Variants in TMEM120B observed in about 807,000 individuals in gnomAD.
The protein encoded by TMEM120B is transmembrane protein 120B.
TMEM120B carries 31 observed loss-of-function variants against 55.5 expected under a neutral mutation model. That is an observed-to-expected ratio of 0.56 (90% confidence interval 0.42 to 0.75). TMEM120B has a LOEUF of 0.75. Among genes scored for constraint, TMEM120B ranks in the 30% least tolerant of loss-of-function variants. The pLI is 0.00. For synonymous variants in TMEM120B, 203 were observed against 176.3 expected, an observed-to-expected ratio of 1.15 and a Z score of -1.20; for missense variants, 399 against 425.5, an observed-to-expected ratio of 0.94 and a Z score of 0.55.
chr12:121,777,479 T>C lies in TMEM120B; in HGVS notation c.*1757T>C, dbSNP rs1366307709. ...TGAGATTCCACATAAAAATCCAGAT[T>C]TCTGCTTTCCCTAGAAAAACGGACC... is the stretch of plus-strand genomic sequence containing the variant. On this transcript the variant is annotated 3_prime_UTR_variant, in exon 12 of 12. Transcript: ENST00000449592. 1 of 152,202 alleles carries C rather than the reference T, an allele frequency of 6.6e-6. No individual in the cohort carries two copies. The highest frequency in any genetic ancestry group is 1.5e-5 in the Non-Finnish European group (1 of 68,038). 9.4% of individuals were successfully genotyped at this position (152,202 alleles called of 1,614,324 possible).
intron 2 of TMEM120B, among the ~76,000 whole-genome samples, 174 bp downstream of exon 2, chr12:121,743,921 C>T (rs1294020238): frequency 1.3e-5 from 2 of 152,148 alleles, no homozygotes; most frequent in East Asian, 1.9e-4. Flanking sequence ...ATTTTTCCCT[C>T]TAAATTCTGC....
At chr12:121,771,110 G>A (rs1263945743) in intron 7 of TMEM120B, 138 bp downstream of exon 7, 2 of 914,518 alleles carry the variant, frequency 2.2e-6, no homozygotes, top group South Asian at 1.5e-5. Flanking sequence ...TGAGCCTGCA[G>A]CTGCGCCGGG....
At chr12:121,715,719 T>G (rs1050700089) in intron 1 of TMEM120B, among the ~76,000 whole-genome samples, 8 of 152,092 alleles carry the variant, frequency 5.3e-5, no homozygotes, top group African/African-American at 1.9e-4. Context: ...GTCAAGATCA[T>G]AGATCGGAGC....
At chr12:121,754,880 G>T (rs1323974288) in intron 5 of TMEM120B, among the ~76,000 whole-genome samples, 2 of 152,136 alleles carry the variant, frequency 1.3e-5, no homozygotes, top group Non-Finnish European at 2.9e-5. Context: ...CTGTGCCGGT[G>T]CCCCCGGGAA....
intron 6 of TMEM120B, among the ~76,000 whole-genome samples, chr12:121,768,785 T>A (rs1873927523): frequency 6.6e-6 from 1 of 152,070 alleles, no homozygotes; most frequent in Non-Finnish European, 1.5e-5. Flanking sequence ...AACTCCTTTT[T>A]TCCTAGGCTG....
chr12:121,768,608 C>A (rs766758965), intron 6 of TMEM120B, among the ~76,000 whole-genome samples: 58 of 152,300 alleles, frequency 3.8e-4, no homozygotes, highest in Admixed American at 7.2e-4. Flanking sequence ...ACTGTTCCCA[C>A]GAGCATCCCC....
Position 121,779,578 on chromosome 12 carries a change from G to A in TMEM120B, c.*3856G>A, listed in dbSNP as rs765693209. The A allele has an allele frequency of 6.8e-6, 11 of 1,614,014 alleles. No individual in the cohort carries two copies. The highest frequency in any genetic ancestry group is 1.6e-4 in the Middle Eastern group (1 of 6,084). ...CTGAGAGCCACCTTGGCGGCCTCCC[G>A]GAAGACGTCCTCCACATTCTCCCGA... On this transcript the variant is annotated 3_prime_UTR_variant, in exon 12 of 12. Transcript: ENST00000449592.
intron 8 of TMEM120B, 98 bp downstream of exon 8, chr12:121,771,647 GT>G: frequency 8.0e-7 from 1 of 1,256,996 alleles, no homozygotes; most frequent in Non-Finnish European, 1.2e-6. Flanking sequence ...GCTTGCCTGT[GT>G]GGCAGGGAGA....
At chr12:121,719,445 G>A (rs954311175) in intron 1 of TMEM120B, among the ~76,000 whole-genome samples, 5 of 152,118 alleles carry the variant, frequency 3.3e-5, no homozygotes, top group African/African-American at 1.2e-4. Context: ...AATTAGCTAG[G>A]CATGGTGGCG....
At position 121,779,840 on chromosome 12, in the gene TMEM120B, G is replaced by A; in HGVS notation, c.*4118G>A. ...TGTGTGGGTGGAATGGAGGGCCAGG[G>A]CAGTGCAGCCCGCAGGTTGGAAGAA... is the stretch of plus-strand genomic sequence containing the variant. On this transcript the variant is annotated 3_prime_UTR_variant, in exon 12 of 12. Coordinates refer to ENST00000449592, the MANE Select transcript of TMEM120B (RefSeq NM_001080825.2). The A allele has an allele frequency of 4.6e-6, 3 of 656,054 alleles. No homozygotes were observed. The highest frequency in any genetic ancestry group is 7.7e-6 in the Non-Finnish European group (3 of 389,128). The allele number at this position is 656,054 out of a possible 1,614,324, so 40.6% of individuals were successfully genotyped here.
chr12:121,752,312 C>T (rs1873356182), intron 5 of TMEM120B, 89 bp downstream of exon 5: 1 of 1,097,526 alleles, frequency 9.1e-7, no homozygotes, highest in East Asian at 2.4e-5. Context: ...CCCGGAGCCT[C>T]TCCTGCTTCT....
chr12:121,721,218 G>T (rs1001034521), intron 1 of TMEM120B, among the ~76,000 whole-genome samples: 1 of 152,074 alleles, frequency 6.6e-6, no homozygotes, highest in Admixed American at 6.6e-5. Flanking sequence ...TCACTTTGTC[G>T]CCCAGGCTGG....
chr12:121,726,286 AAAT>A (rs1592925405), intron 1 of TMEM120B, among the ~76,000 whole-genome samples: 2 of 152,034 alleles, frequency 1.3e-5, no homozygotes, highest in African/African-American at 4.8e-5. Context: ...AAGTTGTTAA[AAAT>A]AATGCTTCGG....
chr12:121,767,921 C>G (rs188145387), intron 6 of TMEM120B, among the ~76,000 whole-genome samples: 4 of 152,318 alleles, frequency 2.6e-5, no homozygotes, highest in Admixed American at 2.6e-4. Flanking sequence ...GGGCATTTCT[C>G]AGGGGAGCTT....
Position 121,779,532 on chromosome 12 carries a change from C to G in TMEM120B, c.*3810C>G, listed in dbSNP as rs765919657. 1 of 1,612,786 alleles carries G rather than the reference C, an allele frequency of 6.2e-7. No homozygotes were observed. Among genetic ancestry groups the G allele is most frequent in the Admixed American group, 1.7e-5 (1 of 60,004 alleles). On this transcript the variant is annotated 3_prime_UTR_variant, in exon 12 of 12. Transcript: ENST00000449592. ...CAGGCAGAGCCGGCGCTTCTTCTGC[C>G]GTTGCGCCTTCTTCAGAGCGCTGAG...
intron 4 of TMEM120B, among the ~76,000 whole-genome samples, chr12:121,751,266 C>T (rs1318752094): frequency 4.6e-5 from 6 of 130,302 alleles, no homozygotes; most frequent in Non-Finnish European, 8.2e-5. Context: ...TACCCAACAC[C>T]CCACACCCCA....
chr12:121,742,941 T>C (rs1210680615), intron 1 of TMEM120B, among the ~76,000 whole-genome samples: 2 of 152,162 alleles, frequency 1.3e-5, no homozygotes, highest in African/African-American at 4.8e-5. Flanking sequence ...TTGGTGTTTG[T>C]CTTAGAAGTC....
chr12:121,725,907 C>T (rs1275365708), intron 1 of TMEM120B, among the ~76,000 whole-genome samples: 3 of 151,712 alleles, frequency 2.0e-5, no homozygotes, highest in East Asian at 1.9e-4. Flanking sequence ...TGTGGTGATG[C>T]GTACCTGTAG....
chr12:121,780,886 T>G lies in TMEM120B; in HGVS notation c.*5164T>G, dbSNP rs753705217. ...CCCCGGCCCACCTGCATGTAGGTGA[T>G]GGGCTCCAGCTGGGCGGCCCGGAGC... On this transcript the variant is annotated 3_prime_UTR_variant, in exon 12 of 12. Coordinates refer to ENST00000449592, the MANE Select transcript of TMEM120B (RefSeq NM_001080825.2). 6.2e-7 allele frequency: 1 copy of G among 1,613,476 alleles called. No homozygotes were observed. Among genetic ancestry groups the G allele is most frequent in the Non-Finnish European group, 8.5e-7 (1 of 1,179,896 alleles).
Sources: allele counts gnomAD v4.1 joint callset (sites outside exome capture counted in the v4.1 genomes callset), GRCh38; gene constraint gnomAD v4.1.1; transcripts MANE v1.5; gene names NCBI Gene and HGNC (gene_info 2026-07-23, HGNC 2026-07-21).